The following ME3 variants were observed in gnomAD, a reference collection of about 807,000 sequenced individuals.
The protein encoded by ME3 is malic enzyme 3.
A neutral mutation model predicts 68.9 loss-of-function variants in ME3; 48 were observed. That is an observed-to-expected ratio of 0.70 (90% CI 0.55 to 0.89). ME3 has a LOEUF of 0.89. Among genes scored for constraint, ME3 ranks in the 40% least tolerant of loss-of-function variants. The pLI, the probability that ME3 is intolerant of heterozygous loss-of-function variation, is 0.00. For missense variants in ME3, 675 were observed against 797.4 expected, an observed-to-expected ratio of 0.85 and a Z score of 1.85; for synonymous variants, 320 against 318.8, an observed-to-expected ratio of 1.00 and a Z score of -0.04.
downstream of ME3, chr11:86,437,374 A>G (rs1231783108): frequency 1.3e-5 from 2 of 152,116 alleles, no homozygotes; most frequent in Non-Finnish European, 2.9e-5. Context: ...AGCCTTGATC[A>G]TTGTATATTT....
Position 86,447,049 on chromosome 11 carries a change from A to G in ME3, c.1380+16T>C, listed in dbSNP as rs1949344528. 1.9e-6 allele frequency: 3 copies of G among 1,612,326 alleles called. No individual in the cohort carries two copies. The highest frequency in any genetic ancestry group is 2.5e-6 in the Non-Finnish European group (3 of 1,179,082). On this transcript the variant is annotated intron_variant, in intron 12 of 14. Coordinates refer to ENST00000543262, the Ensembl canonical transcript of ME3. The stretch of plus-strand genomic sequence containing the variant: ...TATGTCCTCTCAGCCGGGGGAAGGA[A>G]GGACTCCCCGCTGACCTCGGTGACC...
intron 2 of ME3, among the ~76,000 whole-genome samples, chr11:86,660,755 C>T (rs893236507): frequency 1.3e-5 from 2 of 152,154 alleles, no homozygotes; most frequent in African/African-American, 4.8e-5. Context: ...AAGCAGCCCA[C>T]GGATGAGAAT....
downstream of ME3, among the ~76,000 whole-genome samples, chr11:86,438,269 A>C (rs1015473399): frequency 6.6e-6 from 1 of 152,140 alleles, no homozygotes; most frequent in African/African-American, 2.4e-5. Context: ...TATTAATGTA[A>C]TTGAACAACC....
At chr11:86,628,030 G>A (rs897141179) in intron 2 of ME3, among the ~76,000 whole-genome samples, 2 of 152,236 alleles carry the variant, frequency 1.3e-5, no homozygotes, top group Admixed American at 1.3e-4. Context: ...CGCAGCCTGA[G>A]AGACAGCAAA....
chr11:86,571,240 T>TA (rs1482158680), intron 2 of ME3, among the ~76,000 whole-genome samples: 15 of 152,240 alleles, frequency 9.9e-5, no homozygotes, highest in Admixed American at 9.2e-4. Context: ...AAGTATTCAA[T>TA]AAATAAATGG....
At chr11:86,550,816 T>G (rs1406935790) in intron 4 of ME3, among the ~76,000 whole-genome samples, 2 of 152,138 alleles carry the variant, frequency 1.3e-5, no homozygotes, top group East Asian at 1.9e-4. Context: ...CAGGGATCTC[T>G]CCATTTACTG....
intron 2 of ME3, among the ~76,000 whole-genome samples, chr11:86,625,064 C>T (rs1943574458): frequency 1.3e-5 from 2 of 152,164 alleles, no homozygotes; most frequent in African/African-American, 4.8e-5. Flanking sequence ...AGAAGAAACA[C>T]TTCTGTTTTC....
intron 7 of ME3, among the ~76,000 whole-genome samples, chr11:86,467,771 T>C (rs1209594639): frequency 6.6e-6 from 1 of 151,916 alleles, no homozygotes; most frequent in African/African-American, 2.4e-5. Context: ...GAATTATAAA[T>C]AAATACCTTT....
chr11:86,611,612 G>C (rs1040364296), intron 2 of ME3, among the ~76,000 whole-genome samples: 1 of 142,804 alleles, frequency 7.0e-6, no homozygotes, highest in African/African-American at 2.5e-5. Context: ...AAGTGGGGGG[G>C]GGGGGAAGAA....
chr11:86,450,160 G>A, intron 9 of ME3, 141 bp downstream of exon 9: 1 of 981,322 alleles, frequency 1.0e-6, no homozygotes, highest in Admixed American at 2.1e-5. Context: ...AATTGTCAGA[G>A]CCTAGGCAGC....
chr11:86,441,008 C>T (rs1948967869), downstream of ME3: 2 of 271,734 alleles, frequency 7.4e-6, no homozygotes, highest in Non-Finnish European at 6.9e-6. Context: ...TGAGATTCTG[C>T]ATTTCCCACA....
At chr11:86,574,426 ATGTTGT>A (rs1165710991) in intron 2 of ME3, among the ~76,000 whole-genome samples, 9 of 120,442 alleles carry the variant, frequency 7.5e-5, no homozygotes, top group Middle Eastern at 4.7e-3. Context: ...TTTTTTGTTG[ATGTTGT>A]TGTTGTTGTT....
chr11:86,563,381 G>A (rs1258088118), intron 2 of ME3, among the ~76,000 whole-genome samples: 1 of 152,042 alleles, frequency 6.6e-6, no homozygotes, highest in Non-Finnish European at 1.5e-5. Context: ...GGTGTGAGAT[G>A]GTATCTCATT....
At chr11:86,586,694 T>C (rs2139643121) in intron 2 of ME3, among the ~76,000 whole-genome samples, 1 of 152,142 alleles carries the variant, frequency 6.6e-6, no homozygotes, top group East Asian at 1.9e-4. Flanking sequence ...GAGAAACAGA[T>C]TTTGTTGTGG....
chr11:86,514,935 C>A (rs1215539886), intron 4 of ME3, among the ~76,000 whole-genome samples: 1 of 151,980 alleles, frequency 6.6e-6, no homozygotes, highest in Non-Finnish European at 1.5e-5. Flanking sequence ...ATATTTGGCT[C>A]ATAGTAAGTA....
At chr11:86,491,023 A>G (rs917094750) in intron 6 of ME3, among the ~76,000 whole-genome samples, 2 of 152,186 alleles carry the variant, frequency 1.3e-5, no homozygotes, top group Non-Finnish European at 2.9e-5. Context: ...AAGTCCTTAT[A>G]TTTTGCTTTC....
At chr11:86,607,428 A>G (rs1415812606) in intron 2 of ME3, among the ~76,000 whole-genome samples, 1 of 148,982 alleles carries the variant, frequency 6.7e-6, no homozygotes, top group Non-Finnish European at 1.5e-5. Flanking sequence ...AGCCCCATAT[A>G]CATACAATGA....
At chr11:86,493,838 C>T (rs1026653597) in intron 6 of ME3, among the ~76,000 whole-genome samples, 35 of 152,130 alleles carry the variant, frequency 2.3e-4, no homozygotes, top group African/African-American at 8.2e-4. Context: ...GATTAAAGCT[C>T]CTGTTGCCTC....
At chr11:86,548,010 T>G (rs904127855) in intron 4 of ME3, among the ~76,000 whole-genome samples, 3 of 152,194 alleles carry the variant, frequency 2.0e-5, no homozygotes, top group Non-Finnish European at 4.4e-5. Context: ...TGTCTCCCAT[T>G]TAAGTAAGGA....
Sources: allele counts gnomAD v4.1 joint callset (sites outside exome capture counted in the v4.1 genomes callset), GRCh38; gene constraint gnomAD v4.1.1; transcripts MANE v1.5; gene names NCBI Gene and HGNC (gene_info 2026-07-23, HGNC 2026-07-21).